Variants in SNTG1 observed in about 807,000 individuals in gnomAD.
SNTG1 encodes syntrophin gamma 1, also known as gamma-1-syntrophin.
In SNTG1, 39 loss-of-function variants were observed where a neutral mutation model predicts 74.7. The observed-to-expected ratio is 0.52, with a 90% confidence interval of 0.40 to 0.68. The LOEUF (loss-of-function observed/expected upper bound fraction) is 0.68. SNTG1 is among the 30% of genes least tolerant of loss of function. The pLI, the probability that SNTG1 is intolerant of heterozygous loss-of-function variation, is 0.00. For missense variants in SNTG1, 685 were observed against 609.5 expected, an observed-to-expected ratio of 1.12 and a Z score of -1.30; for synonymous variants, 254 against 217.1, an observed-to-expected ratio of 1.17 and a Z score of -1.49.
At chr8:50,132,738 G>A (rs904264809) in intron 1 of SNTG1, among the ~76,000 whole-genome samples, 4 of 152,052 alleles carry the variant, frequency 2.6e-5, no homozygotes, top group African/African-American at 9.7e-5. Context: ...TCCCATCTCT[G>A]TCTCTTTCAG....
chr8:50,140,133 A>G (rs138775203), intron 1 of SNTG1, among the ~76,000 whole-genome samples: 58 of 152,344 alleles, frequency 3.8e-4, no homozygotes, highest in African/African-American at 1.3e-3. Flanking sequence ...CAATCAACCA[A>G]TAAGCACTGA....
intron 2 of SNTG1, among the ~76,000 whole-genome samples, chr8:50,182,417 C>CAGGGTATA (rs1327715397): frequency 1.3e-5 from 2 of 152,012 alleles, no homozygotes; most frequent in East Asian, 3.9e-4. Flanking sequence ...TTTTATATTG[C>CAGGGTATA]AGGGTATAAA....
At chr8:50,688,357 C>A (rs940511468) in intron 15 of SNTG1, among the ~76,000 whole-genome samples, 1 of 152,116 alleles carries the variant, frequency 6.6e-6, no homozygotes, top group Non-Finnish European at 1.5e-5. Flanking sequence ...ATGGTATTGC[C>A]TAGGTTTTCT....
At chr8:50,117,154 G>A (rs529717846) in intron 1 of SNTG1, among the ~76,000 whole-genome samples, 2 of 151,908 alleles carry the variant, frequency 1.3e-5, no homozygotes, top group South Asian at 4.2e-4. Flanking sequence ...TAATCACTCA[G>A]CTGAATGTGA....
chr8:50,447,140 G>A (rs1306612205), intron 5 of SNTG1, among the ~76,000 whole-genome samples: 1 of 152,158 alleles, frequency 6.6e-6, no homozygotes, highest in Non-Finnish European at 1.5e-5. Flanking sequence ...GGGTGTTGAG[G>A]AAAGAATGGG....
intron 2 of SNTG1, among the ~76,000 whole-genome samples, chr8:50,243,836 G>T (rs577769250): frequency 6.6e-6 from 1 of 152,184 alleles, no homozygotes; most frequent in East Asian, 1.9e-4. Flanking sequence ...TTGAGGATAG[G>T]AATAACTGAT....
At position 50,681,358 on chromosome 8, in the gene SNTG1, A is replaced by G. The variant is rs560322263; in HGVS notation, c.1038+22695A>G. On this transcript the variant is annotated intron_variant, in intron 15 of 18. Coordinates refer to ENST00000642720, the MANE Select transcript of SNTG1 (RefSeq NM_018967.5). ...GAGAGAGGGATGTGTTTTATTACAT[A>G]TATAAATAATGGCTCTGAGATACAC... Among the ~76,000 whole-genome samples the G allele has an allele frequency of 2.0e-5, 3 of 152,292 alleles. 1 individual carries two copies. The East Asian group carries it at 5.8e-4, about 29-fold the overall frequency.
At chr8:50,349,102 G>T (rs75663197) in intron 2 of SNTG1, among the ~76,000 whole-genome samples, 6,474 of 152,250 alleles carry the variant, frequency 0.043, 214 homozygotes, top group Middle Eastern at 0.14. Context: ...CGTACTATTT[G>T]TCTTAACCAG....
chr8:50,783,199 G>A (rs1380648392), intron 18 of SNTG1, among the ~76,000 whole-genome samples: 1 of 152,198 alleles, frequency 6.6e-6, no homozygotes, highest in Non-Finnish European at 1.5e-5. Flanking sequence ...CCAGCTGCCT[G>A]CTTGGAGAAC....
intron 18 of SNTG1, among the ~76,000 whole-genome samples, chr8:50,771,346 T>C (rs2095626677): frequency 6.6e-6 from 1 of 152,156 alleles, no homozygotes; most frequent in East Asian, 1.9e-4. Flanking sequence ...CCTGACTGCA[T>C]TATGTCGATG....
chr8:50,126,881 G>A (rs1226259445), intron 1 of SNTG1, among the ~76,000 whole-genome samples: 1 of 152,104 alleles, frequency 6.6e-6, no homozygotes. Context: ...TAGTGAAGGT[G>A]AGTACCAGGT....
At chr8:50,076,093 C>T (rs531244169) in intron 1 of SNTG1, among the ~76,000 whole-genome samples, 1 of 152,262 alleles carries the variant, frequency 6.6e-6, no homozygotes, top group South Asian at 2.1e-4. Flanking sequence ...AAAGTGCAAT[C>T]AAGCGAAGTG....
At chr8:50,624,833 C>G (rs1209795560) in intron 13 of SNTG1, among the ~76,000 whole-genome samples, 1 of 152,076 alleles carries the variant, frequency 6.6e-6, no homozygotes, top group Non-Finnish European at 1.5e-5. Context: ...AAGTCAAGTT[C>G]CAACGGCATT....
At chr8:50,137,395 C>T (rs2081508791) in intron 1 of SNTG1, among the ~76,000 whole-genome samples, 1 of 152,178 alleles carries the variant, frequency 6.6e-6, no homozygotes, top group Admixed American at 6.5e-5. Context: ...CTGTAGTCAA[C>T]TTTCCATCTT....
intron 2 of SNTG1, among the ~76,000 whole-genome samples, chr8:50,393,536 G>T (rs993909866): frequency 1.3e-5 from 2 of 152,208 alleles, no homozygotes; most frequent in South Asian, 4.1e-4. Context: ...TTGGTTAGGT[G>T]TATCACGTAA....
intron 1 of SNTG1, among the ~76,000 whole-genome samples, chr8:50,154,009 TAC>T (rs1286612408): frequency 6.6e-6 from 1 of 152,160 alleles, no homozygotes; most frequent in Admixed American, 6.5e-5. Flanking sequence ...AGGTGGAGTC[TAC>T]AGAGGCATGC....
intron 1 of SNTG1, among the ~76,000 whole-genome samples, chr8:49,994,892 T>G (rs972073188): frequency 7.9e-5 from 12 of 152,130 alleles, no homozygotes; most frequent in African/African-American, 2.9e-4. Context: ...TAAAATGTAG[T>G]AAAGGACACT....
chr8:50,338,392 C>G (rs777987399), intron 2 of SNTG1, among the ~76,000 whole-genome samples: 5 of 151,936 alleles, frequency 3.3e-5, no homozygotes, highest in African/African-American at 4.8e-5. Flanking sequence ...CCAGAAGGCA[C>G]GGTAAAAGGC....
intron 18 of SNTG1, among the ~76,000 whole-genome samples, chr8:50,788,643 G>A (rs2095682628): frequency 6.6e-6 from 1 of 151,946 alleles, no homozygotes; most frequent in Non-Finnish European, 1.5e-5. Flanking sequence ...CAAGCAGAAT[G>A]AGGAAGATAA....
Sources: gnomAD v4.1 joint callset for allele counts (sites outside exome capture counted in the v4.1 genomes callset) on GRCh38, gnomAD v4.1.1 for gene constraint, MANE v1.5 for transcripts, NCBI Gene and HGNC (gene_info 2026-07-23, HGNC 2026-07-21) for gene names.